GSE1: variants seen among roughly 807,000 people sequenced by gnomAD.
GSE1 encodes the protein genetic suppressor element 1.
A neutral mutation model predicts 112.6 loss-of-function variants in GSE1; 32 were observed. The ratio of observed to expected loss-of-function variants is 0.28; its 90% CI spans 0.21 to 0.38. The LOEUF (loss-of-function observed/expected upper bound fraction) is 0.38. GSE1 is among the 10% of genes least tolerant of loss of function. The pLI, the probability that GSE1 is intolerant of heterozygous loss-of-function variation, is 1.00. For missense variants in GSE1, 2,348 were observed against 1,699.2 expected, an observed-to-expected ratio of 1.38 and a Z score of -6.71; for synonymous variants, 1,115 against 735.6, an observed-to-expected ratio of 1.52 and a Z score of -8.35.
chr16:85,188,772 G>C (rs958491156), intron 1 of GSE1, among the ~76,000 whole-genome samples: 9 of 151,286 alleles, frequency 5.9e-5, no homozygotes, highest in African/African-American at 1.9e-4. Context: ...CTGCACTCCA[G>C]CCTGGGTGTT....
intron 1 of GSE1, among the ~76,000 whole-genome samples, chr16:85,569,892 G>T (rs892668499): frequency 6.6e-6 from 1 of 152,170 alleles, no homozygotes; most frequent in African/African-American, 2.4e-5. Context: ...CCTGGAGACC[G>T]CCCACCTCTG....
chr16:85,666,221 G>A lies in GSE1; in HGVS notation c.3004G>A (p.Val1002Met), dbSNP rs1262782595. ...IRGAAPKDIP[V>M]PLSHSTNGKS... ...GGGCGCTGCACCCAAGGACATTCCTGTGCCGCTGTCCCACAGCACCAATGG... is the reference window on the plus strand; with the variant it reads ...GGGCGCTGCACCCAAGGACATTCCTATGCCGCTGTCCCACAGCACCAATGG... The change falls in exon 13 of 16, where the codon GTG becomes ATG. Residue 1002 changes from valine to methionine, a missense_variant. Val to Met is a conservative substitution (Grantham distance 21). Transcript: ENST00000253458. 2 of 1,613,716 alleles carry A rather than the reference G, an allele frequency of 1.2e-6. No individual in the cohort carries two copies. The highest frequency in any genetic ancestry group is 1.7e-6 in the Non-Finnish European group (2 of 1,180,042).
At chr16:85,615,719 G>A (rs963338399) in intron 1 of GSE1, among the ~76,000 whole-genome samples, 2 of 152,212 alleles carry the variant, frequency 1.3e-5, no homozygotes, top group Non-Finnish European at 2.9e-5. Context: ...CAGTTTTTAG[G>A]ATCTTGGAGT....
At chr16:85,566,859 C>T (rs1027598679) in intron 1 of GSE1, among the ~76,000 whole-genome samples, 3 of 152,132 alleles carry the variant, frequency 2.0e-5, no homozygotes, top group Admixed American at 6.5e-5. Flanking sequence ...GAGAGAATGG[C>T]GGGGTCTTAA....
chr16:85,344,565 C>T (rs1354039799), intron 1 of GSE1, among the ~76,000 whole-genome samples: 2 of 152,254 alleles, frequency 1.3e-5, no homozygotes, highest in Non-Finnish European at 2.9e-5. Context: ...CCCGTTTATC[C>T]TTCAGTGCCC....
intron 1 of GSE1, among the ~76,000 whole-genome samples, chr16:85,211,991 T>A (rs996771009): frequency 4.6e-5 from 7 of 152,230 alleles, no homozygotes; most frequent in African/African-American, 1.7e-4. Flanking sequence ...GGTTTCTGAC[T>A]GGGGGAGGAC....
At chr16:85,240,344 G>T (rs1307326655) in intron 1 of GSE1, among the ~76,000 whole-genome samples, 1 of 151,892 alleles carries the variant, frequency 6.6e-6, no homozygotes, top group African/African-American at 2.4e-5. Context: ...CACAGCCACA[G>T]CCAGAGCCCC....
At chr16:85,665,321 G>A (rs1254362385) in intron 12 of GSE1, among the ~76,000 whole-genome samples, 193 bp downstream of exon 12, 4 of 150,976 alleles carry the variant, frequency 2.6e-5, no homozygotes, top group Non-Finnish European at 4.4e-5. Flanking sequence ...GTTTGAAGGC[G>A]GGCTCAGAGT....
chr16:85,567,636 G>A (rs1011949786), intron 1 of GSE1, among the ~76,000 whole-genome samples: 10 of 152,220 alleles, frequency 6.6e-5, no homozygotes, highest in Non-Finnish European at 1.2e-4. Flanking sequence ...GCCTAGCCTC[G>A]GAGGGAAGGC....
intron 1 of GSE1, among the ~76,000 whole-genome samples, chr16:85,603,918 T>C (rs188243044): frequency 4.3e-4 from 65 of 152,370 alleles, no homozygotes; most frequent in South Asian, 1.7e-3. Flanking sequence ...CCCTCGTCTC[T>C]GTCCTGGTCC....
At chr16:85,377,621 C>T (rs975252125) in intron 2 of GSE1, among the ~76,000 whole-genome samples, 33 of 150,340 alleles carry the variant, frequency 2.2e-4, no homozygotes, top group Middle Eastern at 3.4e-3. Flanking sequence ...CAGTTCTCAC[C>T]CCACATGCCC....
At chr16:85,671,575 G>A (rs2053343707) in intron 15 of GSE1, among the ~76,000 whole-genome samples, 1 of 152,106 alleles carries the variant, frequency 6.6e-6, no homozygotes. Flanking sequence ...GACCACACCA[G>A]TGCACTCCAG....
chr16:85,644,343 C>CAAAAAA (rs749279315), intron 2 of GSE1, among the ~76,000 whole-genome samples: 1 of 119,692 alleles, frequency 8.4e-6, no homozygotes, highest in African/African-American at 3.1e-5. Flanking sequence ...GATCCTGTCT[C>CAAAAAA]AAAAAAAAAA....
chr16:85,441,769 A>G (rs1183826799), intron 2 of GSE1, among the ~76,000 whole-genome samples: 1 of 152,204 alleles, frequency 6.6e-6, no homozygotes, highest in Non-Finnish European at 1.5e-5. Context: ...AGACACCAGG[A>G]TTGATGGCAG....
intron 1 of GSE1, among the ~76,000 whole-genome samples, chr16:85,227,213 G>C (rs1039175931): frequency 6.6e-6 from 1 of 152,116 alleles, no homozygotes; most frequent in African/African-American, 2.4e-5. Context: ...GAACAAAACA[G>C]CCCCTGCTAT....
intron 1 of GSE1, among the ~76,000 whole-genome samples, chr16:85,330,276 G>A (rs1384085120): frequency 8.5e-5 from 13 of 152,204 alleles, no homozygotes; most frequent in Admixed American, 8.5e-4. Context: ...GATGCTGCAG[G>A]AGAGGAAGTG....
At chr16:85,323,836 T>C (rs1462223256) in intron 1 of GSE1, among the ~76,000 whole-genome samples, 1 of 152,090 alleles carries the variant, frequency 6.6e-6, no homozygotes, top group Non-Finnish European at 1.5e-5. Context: ...TGAGAAGGGG[T>C]CCTGCCTTGT....
At chr16:85,505,858 G>T (rs2051518522) in intron 2 of GSE1, among the ~76,000 whole-genome samples, 1 of 151,988 alleles carries the variant, frequency 6.6e-6, no homozygotes, top group South Asian at 2.1e-4. Flanking sequence ...AAATAAACTA[G>T]CTGAGCATCG....
In GSE1 at chr16:85,676,063, G is replaced by A. The variant is rs2053657904; in HGVS notation, c.*3524G>A. On this transcript the variant is annotated 3_prime_UTR_variant, in exon 16 of 16. Coordinates refer to ENST00000253458, the MANE Select transcript of GSE1 (RefSeq NM_014615.5). ...ACTCTGGGGGCAGTTTAGATGCTGT[G>A]AAATTAAACCTGTTCTAAGTGTACT... 6.6e-6 allele frequency: 1 copy of A among 152,634 alleles called. No individual in the cohort carries two copies. Among genetic ancestry groups the A allele is most frequent in the Non-Finnish European group, 1.5e-5 (1 of 68,038 alleles). The allele number at this position is 152,634 out of a possible 1,614,324, so 9.5% of individuals were successfully genotyped here. A position where few individuals can be genotyped will look rare whatever the true frequency, so the allele number is the denominator to read the frequency against.
Sources: allele counts gnomAD v4.1 joint callset (sites outside exome capture counted in the v4.1 genomes callset), GRCh38; gene constraint gnomAD v4.1.1; transcripts MANE v1.5; gene names NCBI Gene and HGNC (gene_info 2026-07-23, HGNC 2026-07-21).